The following TTN variants were observed in gnomAD, a reference collection of about 807,000 sequenced individuals.
TTN encodes the protein connectin.
In TTN, 1,525 loss-of-function variants were observed where a neutral mutation model predicts 3,223.0. That is an observed-to-expected ratio of 0.47 (90% CI 0.45 to 0.49). TTN has a LOEUF of 0.49. TTN is among the 20% of genes least tolerant of loss of function. The pLI is 0.00. For synonymous variants in TTN, 14,094 were observed against 15,161.0 expected (o/e 0.93, Z 5.17); for missense variants, 40,786 against 43,424.0 (o/e 0.94, Z 5.40).
intron 145 of TTN, 81 bp from the exon 146 acceptor site, chr2:178,677,998 A>G (rs2068490595): frequency 4.5e-6 from 7 of 1,561,834 alleles, no homozygotes; most frequent in Middle Eastern, 3.4e-4. Flanking sequence ...ATGAAAGGCA[A>G]ATATTCTGTG....
At position 178,539,918 on chromosome 2, in the gene TTN, A is replaced by G; in HGVS notation, c.98147T>C (p.Val32716Ala). The change falls in exon 352 of 363, where the codon GTA becomes GCA. Residue 32716 changes from valine (V) to alanine (A), a missense_variant. Physicochemically the swap from Val to Ala is moderately conservative, Grantham distance 64. Transcript: ENST00000589042. ...AAGTCTGATGACGCCACCTTGCCTTACAAAGATACCTTCTTGGTATCTTTC... is the reference window on the plus strand; with the variant it reads ...AAGTCTGATGACGCCACCTTGCCTTGCAAAGATACCTTCTTGGTATCTTTC... ...LDERYQEGIFVRQGGVIRLTI... is the reference protein window; with the variant it reads ...LDERYQEGIFARQGGVIRLTI... 1 of 1,613,806 alleles carries G rather than the reference A, an allele frequency of 6.2e-7. No homozygotes were observed. Among genetic ancestry groups the G allele is most frequent in the Non-Finnish European group, 8.5e-7 (1 of 1,179,764 alleles).
chr2:178,610,546 C>T (rs954127457), intron 270 of TTN, among the ~76,000 whole-genome samples, 157 bp from the exon 271 acceptor site: 2 of 151,922 alleles, frequency 1.3e-5, no homozygotes, highest in Non-Finnish European at 2.9e-5. Flanking sequence ...TCCTTGGCTC[C>T]CAACTACTAA....
rs1702352609 is a variant in TTN, at chr2:178,558,482, C to T, written c.86977G>A (p.Ala28993Thr). The T allele has an allele frequency of 1.2e-6, 2 of 1,613,682 alleles. No individual in the cohort carries two copies. Among genetic ancestry groups the T allele is most frequent in the Non-Finnish European group, 1.7e-6 (2 of 1,179,818 alleles). ...ACGTGATGGGTTGACTTTGCCACTG[C>T]ACATTTAACCCAGTTTTTCTGTCCT... ...EKGQKNWVKCAVAKSTHHVVS... is the reference protein window; with the variant it reads ...EKGQKNWVKCTVAKSTHHVVS... Residue 28993 changes from alanine (A) to threonine (T), a missense_variant, in exon 327 of 363, where the codon GCA (alanine) becomes ACA (threonine). Ala to Thr is a moderately conservative substitution (Grantham distance 58). Coordinates refer to ENST00000589042, the MANE Select transcript of TTN (RefSeq NM_001267550.2).
intron 312 of TTN, 144 bp downstream of exon 312, chr2:178,583,463 C>T: frequency 1.1e-6 from 1 of 934,804 alleles, no homozygotes; most frequent in East Asian, 2.8e-5. Flanking sequence ...TATGATTCTC[C>T]ATAATCATAA....
Position 178,601,340 on chromosome 2 carries a change from C to T in TTN, c.55657G>A (p.Val18553Met). ...LLSEQQYFFR[V>M]RAENRFGIGP... is the part of the protein sequence containing the mutation. ...ATACCAAAACGGTTTTCTGCTCGCA[C>T]ACGGAAGAAATATTGCTGTTCAGAG... The change falls in exon 287 of 363, where the codon GTG becomes ATG. Residue 18553 changes from valine (V) to methionine (M), a missense_variant. Physicochemically the swap from Val to Met is conservative, Grantham distance 21. Coordinates refer to ENST00000589042, the MANE Select transcript of TTN (RefSeq NM_001267550.2). 1 of 1,610,570 alleles carries T rather than the reference C, an allele frequency of 6.2e-7. No homozygotes were observed. The highest frequency in any genetic ancestry group is 2.2e-5 in the East Asian group (1 of 44,588).
intron 359 of TTN, 81 bp downstream of exon 359, chr2:178,529,879 G>T: frequency 7.2e-7 from 1 of 1,381,026 alleles, no homozygotes; most frequent in Admixed American, 2.4e-5. Flanking sequence ...TCTTGTATGT[G>T]TATATAAGGG....
chr2:178,749,530 T>C (rs2154329174), intron 47 of TTN: 1 of 1,612,954 alleles, frequency 6.2e-7, no homozygotes, highest in Non-Finnish European at 8.5e-7. Context: ...AGGGACCAGC[T>C]GGATAATCAT....
At position 178,783,521 on chromosome 2, in the gene TTN, TA is replaced by T. The variant is rs553110301; in HGVS notation, c.2841+198del. ...AAATCTTTTGAATCCATGAATGATG[TA>T]CCACATAGAATTCCCTTCTTCCTTG... On this transcript the variant is annotated intron_variant, in intron 17 of 362. Transcript: ENST00000589042. Among the ~76,000 whole-genome samples, 312 of 152,362 alleles carry T rather than the reference TA, an allele frequency of 2.0e-3. 7 individuals are homozygous for T. In the South Asian group the frequency reaches 0.025, roughly 12 times the overall value.
In TTN at chr2:178,574,120, A is replaced by G. The variant is rs746925988; in HGVS notation, c.72012T>C (p.Ala24004=). 3.7e-6 allele frequency: 6 copies of G among 1,613,456 alleles called. No homozygotes were observed. The African/African-American group carries it at 8.0e-5, about 22-fold the overall frequency. Residue 24004 remains alanine, a synonymous_variant, in exon 326 of 363, where the codon GCT becomes GCC. Coordinates refer to ENST00000589042, the MANE Select transcript of TTN (RefSeq NM_001267550.2). ...AYEFRVIAKN[A]AGAISPPSEP... The stretch of plus-strand genomic sequence containing the variant: ...CAGATGGTGGACTGATGGCACCTGC[A>G]GCATTTTTGGCGATCACACGGAATT...
chr2:178,646,631 C>T (rs1339090873), intron 215 of TTN, 72 bp from the exon 216 acceptor site: 4 of 835,544 alleles, frequency 4.8e-6, no homozygotes, highest in African/African-American at 1.7e-5. Context: ...ACAAATTTCA[C>T]ATTGATGCAA....
chr2:178,607,107 T>G lies in TTN; in HGVS notation c.53495A>C (p.Glu17832Ala). 1.9e-5 allele frequency: 30 copies of G among 1,612,708 alleles called. No homozygotes were observed. The highest frequency in any genetic ancestry group is 2.4e-5 in the Non-Finnish European group (28 of 1,179,210). The stretch of plus-strand genomic sequence containing the variant: ...CTTGGCAATAACACGGAACTTATAT[T>G]CTTGTCCCTCAAGCAGACCTGTGAT... ...CDITGLLEGQ[E>A]YKFRVIAKNK... is the part of the protein sequence containing the mutation. Residue 17832 changes from glutamate to alanine, a missense_variant, in exon 278 of 363, where the codon GAA (glutamate) becomes GCA (alanine). Transcript: ENST00000589042.
chr2:178,692,881 G>GT (rs776204878), intron 119 of TTN, among the ~76,000 whole-genome samples: 165 of 145,860 alleles, frequency 1.1e-3, no homozygotes, highest in South Asian at 1.5e-3. Context: ...TATGAAGTTA[G>GT]TTTTTTTTTT....
chr2:178,555,074 G>C lies in TTN; in HGVS notation c.88385C>G (p.Ala29462Gly). 1 of 1,613,790 alleles carries C rather than the reference G, an allele frequency of 6.2e-7. No individual in the cohort carries two copies. The highest frequency in any genetic ancestry group is 2.2e-5 in the East Asian group (1 of 44,838). Residue 29462 changes from alanine (A) to glycine (G), a missense_variant, in exon 331 of 363, where the codon GCT (alanine) becomes GGT (glycine). Physicochemically the swap from Ala to Gly is moderately conservative, Grantham distance 60. Coordinates refer to ENST00000589042, the MANE Select transcript of TTN (RefSeq NM_001267550.2). ...AGGCGCAGGTTTGCCAGAAATGCCA[G>C]CTCTGAGCTTCACAGATGTACCTGC... ...YRAGTSVKLR[A>G]GISGKPAPTI... is the part of the protein sequence containing the mutation.
At position 178,768,879 on chromosome 2, in the gene TTN, A is replaced by G. The variant is rs561206261; in HGVS notation, c.8957T>C (p.Ile2986Thr). Residue 2986 changes from isoleucine to threonine, a missense_variant, in exon 38 of 363, where the codon ATT becomes ACT. By Grantham distance (89) the Ile-to-Thr change is moderately conservative. Transcript: ENST00000589042. Reference sequence around the variant, plus strand: ...ATAGTTCACTGTCACCTCAAAAGTAATAGTGTCTTTTTCTTCAGCGTTGAT... The same window carrying G: ...ATAGTTCACTGTCACCTCAAAAGTAGTAGTGTCTTTTTCTTCAGCGTTGAT... ...KDINAEEKDT[I>T]TFEVTVNYEG... 5 of 1,614,084 alleles carry G rather than the reference A, an allele frequency of 3.1e-6. No homozygotes were observed. The highest frequency in any genetic ancestry group is 1.7e-5 in the Admixed American group (1 of 60,016).
chr2:178,766,333 T>A (rs943196102), intron 41 of TTN, 48 bp downstream of exon 41: 1 of 1,426,508 alleles, frequency 7.0e-7, no homozygotes, highest in Non-Finnish European at 9.9e-7. Context: ...AACAGGAGGA[T>A]TATTTCTGAT....
In TTN at chr2:178,557,393, A is replaced by G; in HGVS notation, c.87869T>C (p.Leu29290Pro). The G allele has an allele frequency of 3.1e-6, 5 of 1,613,946 alleles. No individual in the cohort carries two copies. Among genetic ancestry groups the G allele is most frequent in the Non-Finnish European group, 4.2e-6 (5 of 1,179,852 alleles). Reference sequence around the variant, plus strand: ...TTTGAAGTGAGTTGTGCGGATGACCAGTTTGTTGGCTTTTTGCCATAAAAT... The same window carrying G: ...TTTGAAGTGAGTTGTGCGGATGACCGGTTTGTTGGCTTTTTGCCATAAAAT... ...NSILWQKANK[L>P]VIRTTHFKVT... The change falls in exon 329 of 363, where the codon CTG becomes CCG. Residue 29290 changes from leucine to proline, a missense_variant. By Grantham distance (98) the Leu-to-Pro change is moderately conservative. Transcript: ENST00000589042.
chr2:178,602,689 A>G (rs1576304534), intron 282 of TTN, 99 bp from the exon 283 acceptor site: 1 of 867,762 alleles, frequency 1.2e-6, no homozygotes, highest in East Asian at 3.2e-5. Flanking sequence ...TTAATCTATT[A>G]AAATATTAAA....
chr2:178,585,412 A>C lies in TTN; in HGVS notation c.64397-65T>G, dbSNP rs1025806936. 70 of 1,495,476 alleles carry C rather than the reference A, an allele frequency of 4.7e-5. No homozygotes were observed. In the African/African-American group the frequency reaches 8.0e-4, roughly 17 times the overall value. 92.6% of individuals were successfully genotyped at this position (1,495,476 alleles called of 1,614,324 possible). A position where few individuals can be genotyped will look rare whatever the true frequency, so the allele number is the denominator to read the frequency against. ...GATAAGTTTCTTCTGGTGGAGAGCT[A>C]TACTGGTGCAAATTAATGCTTGTAT... On this transcript the variant is annotated intron_variant, in intron 308 of 362. Transcript: ENST00000589042.
Position 178,580,315 on chromosome 2 carries a change from G to T in TTN, c.67057+7C>A. The T allele has an allele frequency of 1.9e-6, 3 of 1,609,842 alleles. No homozygotes were observed. The South Asian group carries it at 3.3e-5, about 18-fold the overall frequency. On this transcript the variant is annotated splice_region_variant and intron_variant, in intron 317 of 362. Coordinates refer to ENST00000589042, the MANE Select transcript of TTN (RefSeq NM_001267550.2). ...ATATATATGATTCTTTTTTGAAATAGACTTACCAAGCACTTTCACAACAAT... is the reference window on the plus strand; with the variant it reads ...ATATATATGATTCTTTTTTGAAATATACTTACCAAGCACTTTCACAACAAT...
Sources: allele counts gnomAD v4.1 joint callset (sites outside exome capture counted in the v4.1 genomes callset), GRCh38; gene constraint gnomAD v4.1.1; transcripts MANE v1.5; gene names NCBI Gene and HGNC (gene_info 2026-07-23, HGNC 2026-07-21).